SUSD1: variants seen among roughly 807,000 people sequenced by gnomAD.
SUSD1 encodes sushi domain-containing protein 1.
A neutral mutation model predicts 86.9 loss-of-function variants in SUSD1; 65 were observed. That is an observed-to-expected ratio of 0.75 (90% CI 0.61 to 0.92). The LOEUF is 0.92. SUSD1 is among the 40% of genes least tolerant of loss of function. SUSD1 has a pLI of 0.00. For synonymous variants in SUSD1, 346 were observed against 350.0 expected, an observed-to-expected ratio of 0.99 and a Z score of 0.13; for missense variants, 850 against 929.7, an observed-to-expected ratio of 0.91 and a Z score of 1.11.
intron 1 of SUSD1, among the ~76,000 whole-genome samples, chr9:112,164,639 A>G (rs1429625221): frequency 6.6e-6 from 1 of 152,096 alleles, no homozygotes; most frequent in African/African-American, 2.4e-5. Flanking sequence ...ATACTAAAAA[A>G]GAAAAATACA....
At chr9:112,165,521 T>C (rs1222949808) in intron 1 of SUSD1, among the ~76,000 whole-genome samples, 2 of 151,764 alleles carry the variant, frequency 1.3e-5, no homozygotes, top group Admixed American at 6.6e-5. Flanking sequence ...GCGATTCTTG[T>C]GTCTCAGCCT....
At chr9:112,138,533 A>T (rs1008694660) in intron 5 of SUSD1, among the ~76,000 whole-genome samples, 3 of 149,618 alleles carry the variant, frequency 2.0e-5, no homozygotes, top group African/African-American at 7.4e-5. Flanking sequence ...ATCTCAGCTC[A>T]CAGCAACCTC....
intron 1 of SUSD1, among the ~76,000 whole-genome samples, chr9:112,174,695 G>A (rs923270946): frequency 1.2e-4 from 18 of 152,154 alleles, no homozygotes; most frequent in African/African-American, 4.1e-4. Context: ...AATTAAAAGT[G>A]GTAAGAAAAT....
At chr9:112,109,074 A>G (rs1203105437) in intron 8 of SUSD1, among the ~76,000 whole-genome samples, 1 of 152,182 alleles carries the variant, frequency 6.6e-6, no homozygotes, top group African/African-American at 2.4e-5. Flanking sequence ...CATTCTGCCA[A>G]TATGTGTAGT....
At chr9:112,084,390 G>C (rs1011895360) in intron 10 of SUSD1, among the ~76,000 whole-genome samples, 1 of 151,972 alleles carries the variant, frequency 6.6e-6, no homozygotes, top group African/African-American at 2.4e-5. Context: ...AAAAGTCAAA[G>C]AATAATATAA....
chr9:112,072,864 G>A (rs1829345120), intron 12 of SUSD1, among the ~76,000 whole-genome samples: 1 of 152,260 alleles, frequency 6.6e-6, no homozygotes, highest in African/African-American at 2.4e-5. Flanking sequence ...ATGAAGGCCA[G>A]TCCCTCTGCT....
intron 2 of SUSD1, among the ~76,000 whole-genome samples, chr9:112,156,337 C>G (rs1198285690): frequency 6.6e-6 from 1 of 151,904 alleles, no homozygotes; most frequent in Non-Finnish European, 1.5e-5. Flanking sequence ...TGGCACATAC[C>G]TGTAATCCCA....
chr9:112,135,951 A>C (rs1023437380), intron 5 of SUSD1, among the ~76,000 whole-genome samples: 2 of 152,240 alleles, frequency 1.3e-5, no homozygotes, highest in Non-Finnish European at 2.9e-5. Flanking sequence ...AGTGGCTCAG[A>C]TAAAACTTAC....
intron 10 of SUSD1, among the ~76,000 whole-genome samples, chr9:112,084,058 T>C (rs759400078): frequency 1.3e-5 from 2 of 152,174 alleles, no homozygotes; most frequent in African/African-American, 4.8e-5. Flanking sequence ...ATATGATGCA[T>C]AGATGGACAA....
chr9:112,107,254 C>CAAAAAAAAAAAAAAAA (rs71382407), intron 8 of SUSD1, among the ~76,000 whole-genome samples: 1 of 66,200 alleles, frequency 1.5e-5, no homozygotes, highest in Non-Finnish European at 2.7e-5. Flanking sequence ...GACCATATCT[C>CAAAAAAAAAAAAAAAA]AAAAAAAAAA....
At chr9:112,137,056 C>A (rs1444158444) in intron 5 of SUSD1, among the ~76,000 whole-genome samples, 3 of 152,180 alleles carry the variant, frequency 2.0e-5, no homozygotes, top group Non-Finnish European at 4.4e-5. Flanking sequence ...GGTGCATAAG[C>A]TCATGACATA....
intron 5 of SUSD1, among the ~76,000 whole-genome samples, chr9:112,131,965 G>C (rs964915171): frequency 2.0e-5 from 3 of 152,142 alleles, no homozygotes. Context: ...CTGGTTTCAA[G>C]GGCCAAATTT....
At chr9:112,092,792 T>C (rs1564287288) in intron 10 of SUSD1, among the ~76,000 whole-genome samples, 1 of 152,178 alleles carries the variant, frequency 6.6e-6, no homozygotes, top group Non-Finnish European at 1.5e-5. Context: ...TTTGACTGTA[T>C]AGCAATCTAA....
chr9:112,112,708 T>C, intron 7 of SUSD1, 63 bp downstream of exon 7: 1 of 1,104,044 alleles, frequency 9.1e-7, no homozygotes, highest in Non-Finnish European at 1.4e-6. Context: ...CAAGTCCCTC[T>C]GACTCATATT....
intron 10 of SUSD1, among the ~76,000 whole-genome samples, chr9:112,085,221 G>C (rs552629801): frequency 4.8e-4 from 73 of 152,174 alleles, no homozygotes; most frequent in Non-Finnish European, 8.2e-4. Flanking sequence ...AGTAAGACAT[G>C]CTTTCTGCCC....
intron 12 of SUSD1, among the ~76,000 whole-genome samples, chr9:112,074,053 C>T (rs1829407076): frequency 6.6e-6 from 1 of 151,992 alleles, no homozygotes; most frequent in African/African-American, 2.4e-5. Context: ...CCCATCTCTA[C>T]TAAACATATA....
rs749756431 is a variant in SUSD1, at chr9:112,098,534, ATT to A, written c.1408_1409del (p.Asn470CysfsTer8). 2.3e-5 allele frequency: 37 copies of A among 1,614,080 alleles called. No individual in the cohort carries two copies. The highest frequency in any genetic ancestry group is 8.3e-5 in the Admixed American group (5 of 60,006). On this transcript the variant is annotated frameshift_variant, in exon 10 of 17. Coordinates refer to ENST00000374270, the MANE Select transcript of SUSD1 (RefSeq NM_022486.5). LOFTEE classifies it high-confidence loss of function. ...GCTTAGGAGATCTCAGCAGGGTCAC[ATT>A]CACCGTATAATCAGTCGTAGGGTAC... ...DLYPTTDYTV[N>X]VTLLRSPKRH...
At chr9:112,141,734 TAA>T (rs1257629229) in intron 5 of SUSD1, among the ~76,000 whole-genome samples, 60 of 133,370 alleles carry the variant, frequency 4.5e-4, no homozygotes, top group African/African-American at 1.9e-3. Flanking sequence ...GTATTATATA[TAA>T]TATATATTAC....
intron 6 of SUSD1, among the ~76,000 whole-genome samples, chr9:112,114,362 A>G (rs1768977217): frequency 6.6e-6 from 1 of 152,128 alleles, no homozygotes; most frequent in African/African-American, 2.4e-5. Context: ...GCATGCCTGT[A>G]GTCCCAGCTA....
Sources: allele counts gnomAD v4.1 joint callset (sites outside exome capture counted in the v4.1 genomes callset), GRCh38; gene constraint gnomAD v4.1.1; transcripts MANE v1.5; gene names NCBI Gene and HGNC (gene_info 2026-07-23, HGNC 2026-07-21).